Variants in FTO observed in about 807,000 individuals in gnomAD.
The protein encoded by FTO is FTO alpha-ketoglutarate dependent dioxygenase.
Under a neutral mutation model 63.9 loss-of-function variants are expected in FTO, and 47 were observed. The observed-to-expected ratio is 0.74, with a 90% CI of 0.58 to 0.94. The LOEUF (loss-of-function observed/expected upper bound fraction) is 0.94. FTO is among the 40% of genes least tolerant of loss of function. The pLI is 0.00. For synonymous variants in FTO, 207 were observed against 224.4 expected, an observed-to-expected ratio of 0.92 and a Z score of 0.69; for missense variants, 562 against 618.1, an observed-to-expected ratio of 0.91 and a Z score of 0.96.
At chr16:53,908,743 G>A (rs1275430559) in intron 7 of FTO, among the ~76,000 whole-genome samples, 1 of 152,182 alleles carries the variant, frequency 6.6e-6, no homozygotes, top group African/African-American at 2.4e-5. Context: ...TCACAATCCG[G>A]CCTGAAGGGC....
At chr16:54,088,677 T>G (rs2086305862) in intron 8 of FTO, among the ~76,000 whole-genome samples, 1 of 152,204 alleles carries the variant, frequency 6.6e-6, no homozygotes, top group African/African-American at 2.4e-5. Flanking sequence ...AATGAGAATC[T>G]CCTGTCAGAA....
intron 7 of FTO, among the ~76,000 whole-genome samples, chr16:53,925,084 A>C (rs1376963139): frequency 6.6e-6 from 1 of 151,374 alleles, no homozygotes; most frequent in Non-Finnish European, 1.5e-5. Flanking sequence ...AAAAAAAAAA[A>C]AGGAAGGAGA....
At chr16:54,039,892 A>G (rs2085031494) in intron 8 of FTO, 1 of 152,126 alleles carries the variant, frequency 6.6e-6, no homozygotes, top group African/African-American at 2.4e-5. Flanking sequence ...TCTAATTTCA[A>G]CTTCCTTTCT....
intron 8 of FTO, among the ~76,000 whole-genome samples, chr16:53,980,441 G>T (rs1453887756): frequency 6.6e-6 from 1 of 152,188 alleles, no homozygotes; most frequent in African/African-American, 2.4e-5. Context: ...GCTGACACGT[G>T]GGGAGGGAAA....
chr16:53,952,803 G>A (rs528466949), intron 8 of FTO, among the ~76,000 whole-genome samples: 1 of 152,194 alleles, frequency 6.6e-6, no homozygotes, highest in Admixed American at 6.5e-5. Context: ...CATGTTTGAA[G>A]TTCTTCTGTG....
chr16:53,773,988 A>C (rs1187656688), intron 1 of FTO, among the ~76,000 whole-genome samples: 3 of 152,140 alleles, frequency 2.0e-5, no homozygotes, highest in African/African-American at 7.2e-5. Flanking sequence ...ATGGAATTTT[A>C]ATTTTTTCCA....
intron 1 of FTO, among the ~76,000 whole-genome samples, chr16:53,753,410 T>G (rs1253141938): frequency 1.3e-5 from 2 of 152,098 alleles, no homozygotes; most frequent in Admixed American, 6.5e-5. Flanking sequence ...CTTACACTTT[T>G]TTTTTTTTTG....
intron 8 of FTO, among the ~76,000 whole-genome samples, chr16:53,946,811 C>T (rs1009694144): frequency 7.2e-5 from 11 of 152,268 alleles, no homozygotes; most frequent in South Asian, 2.1e-4. Flanking sequence ...TACCAGAATA[C>T]GGGCCTGGGA....
chr16:54,073,217 CA>C (rs2085909919), intron 8 of FTO, among the ~76,000 whole-genome samples: 2 of 152,202 alleles, frequency 1.3e-5, no homozygotes, highest in South Asian at 2.1e-4. Context: ...ATGGCCTTCT[CA>C]AGGGATGGGA....
At chr16:53,997,824 A>G (rs1346115216) in intron 8 of FTO, among the ~76,000 whole-genome samples, 1 of 152,152 alleles carries the variant, frequency 6.6e-6, no homozygotes, top group African/African-American at 2.4e-5. Flanking sequence ...AGAGGGGAGA[A>G]AGGAAGGCAA....
At chr16:54,102,357 TACCAA>T (rs2086658871) in intron 8 of FTO, among the ~76,000 whole-genome samples, 1 of 152,182 alleles carries the variant, frequency 6.6e-6, no homozygotes, top group African/African-American at 2.4e-5. Context: ...GGGAAACCTT[TACCAA>T]AACAAATCTC....
chr16:53,755,387 AAG>A (rs1353384629), intron 1 of FTO, among the ~76,000 whole-genome samples: 4 of 152,176 alleles, frequency 2.6e-5, no homozygotes, highest in African/African-American at 7.2e-5. Flanking sequence ...CTGAGGGAGA[AAG>A]AACATGAGGA....
intron 4 of FTO, among the ~76,000 whole-genome samples, chr16:53,856,368 T>TG (rs146333826): frequency 2.5e-4 from 37 of 150,230 alleles, no homozygotes; most frequent in South Asian, 8.4e-4. Flanking sequence ...TTTTTTTTTT[T>TG]GGGGGGGGAT....
At chr16:54,089,507 G>T (rs1039392557) in intron 8 of FTO, among the ~76,000 whole-genome samples, 3 of 152,120 alleles carry the variant, frequency 2.0e-5, no homozygotes, top group African/African-American at 7.2e-5. Flanking sequence ...GGGAGACACG[G>T]TTAAGAGTTA....
chr16:54,070,435 T>C (rs973478558), intron 8 of FTO: 5 of 152,188 alleles, frequency 3.3e-5, no homozygotes, highest in African/African-American at 9.7e-5. Flanking sequence ...TCTGAACATA[T>C]GATCACCATA....
At position 53,768,509 on chromosome 16, in the gene FTO, C is replaced by T. The variant is rs575279371; in HGVS notation, c.46-41631C>T. Among the ~76,000 whole-genome samples, 4 of 152,152 alleles carry T rather than the reference C, an allele frequency of 2.6e-5. No homozygotes were observed. In the South Asian group the frequency reaches 8.3e-4, roughly 32 times the overall value. ...AGGGGATGGAATAGATATTTCTTAC[C>T]CGAGTAGAAGATGATGCCGGGGGAT... On this transcript the variant is annotated intron_variant, in intron 1 of 8. Transcript: ENST00000471389.
chr16:53,860,402 T>C (rs1317561803), intron 4 of FTO, among the ~76,000 whole-genome samples: 1 of 152,204 alleles, frequency 6.6e-6, no homozygotes, highest in Non-Finnish European at 1.5e-5. Flanking sequence ...TACAGCATAG[T>C]AACTGTATTA....
rs556357629 is a variant in FTO at position 53,815,636 on chromosome 16, G to GTTTTTTTTT, written c.123+5441_123+5449dup. On this transcript the variant is annotated intron_variant, in intron 2 of 8. Transcript: ENST00000471389. ...ACCCTATAAGGCCATTGACTTTCTT[G>GTTTTTTTTT]TTTTTTTTTTTTTTTTTTTTTTTTT... 1.5e-3 allele frequency among the ~76,000 whole-genome samples: 149 copies of GTTTTTTTTT among 98,138 alleles called. 22 individuals are homozygous for GTTTTTTTTT. Among genetic ancestry groups the GTTTTTTTTT allele is most frequent in the African/African-American group, 4.9e-3 (90 of 18,534 alleles). The allele number at this position is 98,138 out of a possible 152,430, so 64.4% of individuals were successfully genotyped here. A position where few individuals can be genotyped will look rare whatever the true frequency, so the allele number is the denominator to read the frequency against.
intron 1 of FTO, among the ~76,000 whole-genome samples, chr16:53,771,663 A>G (rs2077344646): frequency 6.6e-6 from 1 of 152,144 alleles, no homozygotes; most frequent in East Asian, 1.9e-4. Context: ...AAACCTGTAC[A>G]TGAATGTTCA....
Sources: allele counts gnomAD v4.1 joint callset (sites outside exome capture counted in the v4.1 genomes callset), GRCh38; gene constraint gnomAD v4.1.1; transcripts MANE v1.5; gene names NCBI Gene and HGNC (gene_info 2026-07-23, HGNC 2026-07-21).